SPECC1: variants seen among roughly 807,000 people sequenced by gnomAD.
SPECC1 encodes the protein cytospin-B.
Under a neutral mutation model 104.1 loss-of-function variants are expected in SPECC1, and 62 were observed. The observed-to-expected ratio is 0.60, with a 90% confidence interval of 0.49 to 0.74. The LOEUF (loss-of-function observed/expected upper bound fraction) is 0.74, where lower values mean the gene tolerates loss of function less well. Among genes scored for constraint, SPECC1 ranks in the 30% least tolerant of loss-of-function variants. The probability of loss-of-function intolerance (pLI) is 0.00; values close to 1 mark genes in which losing one functional copy is unlikely to be tolerated. For synonymous variants in SPECC1, 513 were observed against 501.6 expected, an observed-to-expected ratio of 1.02 and a Z score of -0.30; for missense variants, 1,306 against 1,310.5, an observed-to-expected ratio of 1.00 and a Z score of 0.05.
rs1028127289 is a variant in SPECC1 at position 20,181,444 on chromosome 17, A to G, written c.284-22889A>G. On this transcript the variant is annotated intron_variant, in intron 3 of 14. Coordinates refer to ENST00000395527, the MANE Select transcript of SPECC1 (RefSeq NM_001243439.2). ...CAAAGAAGAATCCATTGTTATAGGT[A>G]TGGAATAAATGAAAAATTAAATCTG... Among the ~76,000 whole-genome samples, 20 of 152,290 alleles carry G rather than the reference A, an allele frequency of 1.3e-4. 1 individual carries two copies. The Middle Eastern group carries it at 0.014, about 104-fold the overall frequency.
intron 1 of SPECC1, among the ~76,000 whole-genome samples, chr17:20,066,369 G>T (rs1002907657): frequency 6.6e-6 from 1 of 152,082 alleles, no homozygotes; most frequent in South Asian, 2.1e-4. Flanking sequence ...TTGATTTTTG[G>T]CTAGCATTTA....
intron 3 of SPECC1, chr17:20,156,164 C>G (rs1358952069): frequency 1.4e-6 from 2 of 1,436,914 alleles, no homozygotes; most frequent in East Asian, 6.1e-5. Flanking sequence ...GGTCCGAGGC[C>G]GGCAAGCCGG....
intron 4 of SPECC1, 128 bp downstream of exon 4, chr17:20,206,040 G>A (rs917849198): frequency 4.3e-5 from 56 of 1,307,730 alleles, no homozygotes; most frequent in Non-Finnish European, 5.8e-5. Context: ...CAGCATTCCA[G>A]CTTGAAGGCC....
At chr17:20,076,663 A>G (rs1355815012) in intron 1 of SPECC1, among the ~76,000 whole-genome samples, 1 of 152,066 alleles carries the variant, frequency 6.6e-6, no homozygotes, top group African/African-American at 2.4e-5. Context: ...AACTTTCCTT[A>G]TGTTTTTGGG....
chr17:20,287,423 C>CAAAA (rs61713120), intron 12 of SPECC1, among the ~76,000 whole-genome samples: 28 of 98,046 alleles, frequency 2.9e-4, no homozygotes, highest in Admixed American at 4.6e-4. Flanking sequence ...GACTCCGTCT[C>CAAAA]AAAAAAAAAA....
At chr17:20,226,239 T>C (rs928286550) in intron 4 of SPECC1, among the ~76,000 whole-genome samples, 1 of 152,248 alleles carries the variant, frequency 6.6e-6, no homozygotes, top group Non-Finnish European at 1.5e-5. Context: ...TGGAATACTA[T>C]GCACCAATTA....
chr17:20,118,465 G>A (rs1597747737), intron 3 of SPECC1, among the ~76,000 whole-genome samples: 1 of 152,192 alleles, frequency 6.6e-6, no homozygotes, highest in East Asian at 1.9e-4. Flanking sequence ...TGGTGCAGTA[G>A]AATAGTATAC....
chr17:20,123,704 C>T (rs907185849), intron 3 of SPECC1, among the ~76,000 whole-genome samples: 7 of 152,220 alleles, frequency 4.6e-5, no homozygotes, highest in African/African-American at 1.7e-4. Flanking sequence ...CTGTTTGTCT[C>T]AGGTAGGGAG....
At chr17:20,112,898 CT>C in intron 3 of SPECC1, 3 of 1,555,850 alleles carry the variant, frequency 1.9e-6, no homozygotes, top group Non-Finnish European at 2.7e-6. Context: ...TGGGTGTGAT[CT>C]TCAAGAAGCC....
chr17:20,277,847 G>C (rs535570174), intron 12 of SPECC1, among the ~76,000 whole-genome samples: 12 of 152,308 alleles, frequency 7.9e-5, no homozygotes, highest in African/African-American at 2.9e-4. Flanking sequence ...TTGATGAGGG[G>C]CTGATTTCAC....
rs540295938 is a variant in SPECC1 at position 20,265,174 on chromosome 17, G to A, written c.2940+4880G>A. Among the ~76,000 whole-genome samples, 13 of 152,308 alleles carry A rather than the reference G, an allele frequency of 8.5e-5. 1 individual carries two copies. The highest frequency in any genetic ancestry group is 7.8e-4 in the Admixed American group (12 of 15,298). The stretch of plus-strand genomic sequence containing the variant: ...TCAAATGTTCTATTTTTAGTACCTT[G>A]AGAAATCTCCAAACTGCTTTCCACA... On this transcript the variant is annotated intron_variant, in intron 12 of 14. Transcript: ENST00000395527.
chr17:20,114,514 T>A (rs77090287), intron 3 of SPECC1, among the ~76,000 whole-genome samples: 2 of 151,512 alleles, frequency 1.3e-5, no homozygotes, highest in South Asian at 2.1e-4. Flanking sequence ...TTTTTTTTTT[T>A]AGTGAAATTT....
chr17:20,081,434 G>A (rs2046969588), intron 1 of SPECC1, among the ~76,000 whole-genome samples: 2 of 152,148 alleles, frequency 1.3e-5, no homozygotes, highest in South Asian at 2.1e-4. Context: ...GGAATGAAGG[G>A]GAGAGGAGGG....
intron 3 of SPECC1, among the ~76,000 whole-genome samples, chr17:20,188,934 A>G (rs2035468938): frequency 6.6e-6 from 1 of 152,188 alleles, no homozygotes; most frequent in Non-Finnish European, 1.5e-5. Flanking sequence ...TTCTCCAGTT[A>G]CAAATTCAGG....
intron 12 of SPECC1, among the ~76,000 whole-genome samples, chr17:20,289,340 T>C (rs929039423): frequency 6.6e-6 from 1 of 152,110 alleles, no homozygotes; most frequent in African/African-American, 2.4e-5. Flanking sequence ...CTTGCTCTGA[T>C]GTCCAGGCTA....
In SPECC1 at chr17:20,285,975, G is replaced by A. The variant is rs78124962; in HGVS notation, c.2941-10986G>A. 3.3e-5 allele frequency among the ~76,000 whole-genome samples: 5 copies of A among 152,212 alleles called. No homozygotes were observed. The East Asian group carries it at 9.7e-4, about 29-fold the overall frequency. On this transcript the variant is annotated intron_variant, in intron 12 of 14. Coordinates refer to ENST00000395527, the MANE Select transcript of SPECC1 (RefSeq NM_001243439.2). The stretch of plus-strand genomic sequence containing the variant: ...ATTATAGGCATGCACTATCATGCCT[G>A]GCTAATTTTTACATTTTTTGTAGAG...
At chr17:20,077,782 A>G (rs1328852128) in intron 1 of SPECC1, among the ~76,000 whole-genome samples, 1 of 152,048 alleles carries the variant, frequency 6.6e-6, no homozygotes, top group East Asian at 1.9e-4. Context: ...CTTTTATGAT[A>G]TGTAGAGAGA....
chr17:20,162,625 A>G (rs2033272048), intron 3 of SPECC1, among the ~76,000 whole-genome samples: 1 of 152,272 alleles, frequency 6.6e-6, no homozygotes, highest in Non-Finnish European at 1.5e-5. Flanking sequence ...ACCCTCCAAC[A>G]TAATACTTTG....
chr17:20,249,624 A>G (rs2039548680), intron 9 of SPECC1, among the ~76,000 whole-genome samples: 1 of 152,220 alleles, frequency 6.6e-6, no homozygotes, highest in Non-Finnish European at 1.5e-5. Flanking sequence ...ACCACAATGT[A>G]TAAAAAAGAA....
Sources: gnomAD v4.1 joint callset for allele counts (sites outside exome capture counted in the v4.1 genomes callset) on GRCh38, gnomAD v4.1.1 for gene constraint, MANE v1.5 for transcripts, NCBI Gene and HGNC (gene_info 2026-07-23, HGNC 2026-07-21) for gene names.